Variants in VGLL4 observed in about 807,000 individuals in gnomAD.
VGLL4 encodes transcription cofactor vestigial-like protein 4.
Under a neutral mutation model 21.0 loss-of-function variants are expected in VGLL4, and 7 were observed. The ratio of observed to expected loss-of-function variants is 0.33; its 90% CI spans 0.19 to 0.63. The LOEUF is 0.63. Ranked by LOEUF, VGLL4 falls within the 20% of genes least tolerant of loss-of-function variation. The pLI, the probability that VGLL4 is intolerant of heterozygous loss-of-function variation, is 0.78. For missense variants in VGLL4, 394 were observed against 425.7 expected, an observed-to-expected ratio of 0.93 and a Z score of 0.66; for synonymous variants, 222 against 173.2, an observed-to-expected ratio of 1.28 and a Z score of -2.21.
intron 2 of VGLL4, chr3:11,582,306 A>G (rs769395143): frequency 6.2e-7 from 1 of 1,601,574 alleles, no homozygotes; most frequent in Non-Finnish European, 8.5e-7. Context: ...TCATTGCCAA[A>G]GAGCATGAAG....
intron 2 of VGLL4, among the ~76,000 whole-genome samples, chr3:11,668,467 C>T (rs536671272): frequency 4.6e-5 from 7 of 152,118 alleles, no homozygotes; most frequent in Non-Finnish European, 1.0e-4. Context: ...TGCAAACTAA[C>T]GAGCCCTATC....
At chr3:11,561,335 C>T (rs1472859132) in intron 3 of VGLL4, among the ~76,000 whole-genome samples, 2 of 145,622 alleles carry the variant, frequency 1.4e-5, no homozygotes, top group Admixed American at 1.4e-4. Flanking sequence ...TCAGAAGAGA[C>T]TCTCTAACAA....
At chr3:11,638,444 C>A (rs940867023) in intron 1 of VGLL4, among the ~76,000 whole-genome samples, 3 of 152,076 alleles carry the variant, frequency 2.0e-5, no homozygotes, top group Admixed American at 6.5e-5. Flanking sequence ...GAGAAAGACA[C>A]CAGCCAGGCC....
intron 2 of VGLL4, among the ~76,000 whole-genome samples, chr3:11,596,991 T>A (rs1439965471): frequency 2.0e-5 from 3 of 152,150 alleles, no homozygotes; most frequent in Non-Finnish European, 4.4e-5. Flanking sequence ...GGCTACAAGA[T>A]GAGCCTAGAA....
intron 2 of VGLL4, among the ~76,000 whole-genome samples, chr3:11,681,391 CTTCA>C (rs1383960091): frequency 2.0e-5 from 3 of 152,214 alleles, no homozygotes; most frequent in Admixed American, 6.5e-5. Flanking sequence ...GTGTGCCTTT[CTTCA>C]TTCATTCATT....
intron 1 of VGLL4, among the ~76,000 whole-genome samples, chr3:11,634,660 G>A (rs897329390): frequency 7.2e-6 from 1 of 138,166 alleles, no homozygotes; most frequent in Non-Finnish European, 1.5e-5. Context: ...CCTTATTTCT[G>A]AAGGAATGAG....
chr3:11,572,940 G>A (rs2073832512), intron 2 of VGLL4, among the ~76,000 whole-genome samples: 1 of 152,074 alleles, frequency 6.6e-6, no homozygotes, highest in African/African-American at 2.4e-5. Context: ...GGCCGAGACA[G>A]GTGGATCACC....
At chr3:11,716,413 C>T (rs934118044) in intron 1 of VGLL4, among the ~76,000 whole-genome samples, 2 of 151,970 alleles carry the variant, frequency 1.3e-5, no homozygotes, top group African/African-American at 4.8e-5. Context: ...CAGGGTAGTG[C>T]CTTGTCTGAG....
At chr3:11,608,357 C>T (rs1057037688) in intron 1 of VGLL4, among the ~76,000 whole-genome samples, 3 of 152,034 alleles carry the variant, frequency 2.0e-5, no homozygotes, top group Non-Finnish European at 4.4e-5. Context: ...AGAAAAATGC[C>T]GAATATATAC....
chr3:11,684,813 C>T (rs62245810), intron 2 of VGLL4, among the ~76,000 whole-genome samples: 5 of 150,014 alleles, frequency 3.3e-5, no homozygotes, highest in East Asian at 2.0e-4. Flanking sequence ...TTTTCTTTTC[C>T]GTTTGTTTGC....
At chr3:11,564,676 C>CCCTCCCTCACCACCTCG in intron 3 of VGLL4, 121 bp downstream of exon 3, 1 of 1,214,540 alleles carries the variant, frequency 8.2e-7, no homozygotes. Flanking sequence ...CTCACCACCT[C>CCCTCCCTCACCACCTCG]CCTCCCTCAC....
exon 1 of VGLL4, chr3:11,720,529 T>C (rs1252040191): frequency 6.6e-6 from 1 of 152,000 alleles, no homozygotes; most frequent in East Asian, 2.0e-4. Context: ...AGCGCTGCAC[T>C]TCACACTCGC....
At chr3:11,686,585 G>C (rs1220395909) in intron 2 of VGLL4, among the ~76,000 whole-genome samples, 1 of 152,176 alleles carries the variant, frequency 6.6e-6, no homozygotes, top group Non-Finnish European at 1.5e-5. Context: ...ATGGGTGGTG[G>C]TGATGGTTGC....
chr3:11,571,724 G>A (rs1489767079), intron 2 of VGLL4, among the ~76,000 whole-genome samples: 2 of 152,272 alleles, frequency 1.3e-5, no homozygotes, highest in East Asian at 3.9e-4. Flanking sequence ...TGCTGGTTCA[G>A]ATTTCAGAAA....
chr3:11,587,954 G>A (rs1302142588), intron 2 of VGLL4, among the ~76,000 whole-genome samples: 2 of 152,214 alleles, frequency 1.3e-5, no homozygotes, highest in East Asian at 1.9e-4. Flanking sequence ...GCATGTGTGC[G>A]TTTTCGTTTT....
At chr3:11,702,455 C>CAAAAAAAAAAAA (rs56189603) in intron 2 of VGLL4, among the ~76,000 whole-genome samples, 11 of 96,128 alleles carry the variant, frequency 1.1e-4, no homozygotes, top group Non-Finnish European at 1.6e-4. Context: ...ACTAAAAATA[C>CAAAAAAAAAAAA]AAAAAAAAAA....
At chr3:11,696,842 G>C (rs1357647231) in intron 2 of VGLL4, among the ~76,000 whole-genome samples, 1 of 152,110 alleles carries the variant, frequency 6.6e-6, no homozygotes, top group African/African-American at 2.4e-5. Flanking sequence ...AGGATCAGGT[G>C]ATCCTCCCAC....
In VGLL4 at chr3:11,558,460, C is replaced by G; in HGVS notation, c.*96G>C. 2 of 1,069,174 alleles carry G rather than the reference C, an allele frequency of 1.9e-6. No individual in the cohort carries two copies. Among genetic ancestry groups the G allele is most frequent in the African/African-American group, 1.6e-5 (1 of 61,672 alleles). The allele number at this position is 1,069,174 out of a possible 1,614,324, so 66.2% of individuals were successfully genotyped here. ...AATAAACCATCCCTTCCCTTCCCCCCACCCCACCCCCATGATTTTTTTTTT... is the reference window on the plus strand; with the variant it reads ...AATAAACCATCCCTTCCCTTCCCCCGACCCCACCCCCATGATTTTTTTTTT... On this transcript the variant is annotated 3_prime_UTR_variant, in exon 5 of 5. Coordinates refer to ENST00000430365, the MANE Select transcript of VGLL4 (RefSeq NM_001128219.3).
At chr3:11,578,056 T>C (rs1575406646) in intron 2 of VGLL4, among the ~76,000 whole-genome samples, 1 of 152,198 alleles carries the variant, frequency 6.6e-6, no homozygotes, top group African/African-American at 2.4e-5. Flanking sequence ...CTCCCTTCCA[T>C]TTATCGTAGC....
Sources: gnomAD v4.1 joint callset for allele counts (sites outside exome capture counted in the v4.1 genomes callset) on GRCh38, gnomAD v4.1.1 for gene constraint, MANE v1.5 for transcripts, NCBI Gene and HGNC (gene_info 2026-07-23, HGNC 2026-07-21) for gene names.